PMS1: variants seen among roughly 807,000 people sequenced by gnomAD.
PMS1 encodes the protein PMS1 protein homolog 1.
In PMS1, 79 loss-of-function variants were observed where a neutral mutation model predicts 93.1. The observed-to-expected ratio is 0.85, with a 90% CI of 0.71 to 1.02. The LOEUF (loss-of-function observed/expected upper bound fraction) is 1.02. Ranked by LOEUF, PMS1 falls within the 50% of genes least tolerant of loss-of-function variation. The pLI is 0.00. For synonymous variants in PMS1, 335 were observed against 363.4 expected, an observed-to-expected ratio of 0.92 and a Z score of 0.89; for missense variants, 1,064 against 1,085.3, an observed-to-expected ratio of 0.98 and a Z score of 0.28.
chr2:189,844,120 C>A, intron 6 of PMS1, 40 bp downstream of exon 6: 1 of 1,610,536 alleles, frequency 6.2e-7, no homozygotes, highest in South Asian at 1.1e-5. Flanking sequence ...CTGATTTACT[C>A]ATGAAGCTGT....
intron 10 of PMS1, among the ~76,000 whole-genome samples, chr2:189,866,329 C>A (rs536104447): frequency 6.6e-6 from 1 of 152,124 alleles, no homozygotes; most frequent in South Asian, 2.1e-4. Context: ...ACATTAAAAA[C>A]TATTATTGTG....
intron 4 of PMS1, 110 bp downstream of exon 4, chr2:189,805,864 C>T (rs2050297644): frequency 1.1e-5 from 17 of 1,555,130 alleles, no homozygotes; most frequent in Non-Finnish European, 1.4e-5. Flanking sequence ...TGGGCTTGGT[C>T]CTGATAAAGG....
intron 5 of PMS1, among the ~76,000 whole-genome samples, chr2:189,831,917 G>A (rs1346870910): frequency 3.9e-5 from 6 of 152,104 alleles, no homozygotes; most frequent in Non-Finnish European, 8.8e-5. Context: ...TTTTAGTAGA[G>A]ATGGGGTTTC....
At chr2:189,805,332 T>G (rs1379825349) in intron 3 of PMS1, among the ~76,000 whole-genome samples, 1 of 152,202 alleles carries the variant, frequency 6.6e-6, no homozygotes, top group African/African-American at 2.4e-5. Context: ...CTTAATACAG[T>G]TGAAGTACTT....
At chr2:189,796,022 A>AT in intron 3 of PMS1, 71 bp downstream of exon 3, 1 of 1,066,944 alleles carries the variant, frequency 9.4e-7, no homozygotes, top group Non-Finnish European at 1.5e-6. Context: ...CTAACCCAGT[A>AT]TTTGGTGAAG....
Position 189,788,485 on chromosome 2 carries a change from C to T in PMS1, c.-20-3305C>T, listed in dbSNP as rs1284797939. On this transcript the variant is annotated intron_variant, in intron 1 of 12. Coordinates refer to ENST00000441310, the MANE Select transcript of PMS1 (RefSeq NM_000534.5). ...TGCATTTTAGAGAGTTTAATTTCCTCAGTGTTACATATCTGTTAGTGTAAG... is the reference window on the plus strand; with the variant it reads ...TGCATTTTAGAGAGTTTAATTTCCTTAGTGTTACATATCTGTTAGTGTAAG... 2.4e-4 allele frequency among the ~76,000 whole-genome samples: 37 copies of T among 152,164 alleles called. 1 individual carries two copies. The highest frequency in any genetic ancestry group is 2.4e-3 in the Admixed American group (37 of 15,274).
intron 1 of PMS1, among the ~76,000 whole-genome samples, chr2:189,788,245 G>C (rs973618115): frequency 6.6e-6 from 1 of 152,136 alleles, no homozygotes; most frequent in Non-Finnish European, 1.5e-5. Flanking sequence ...CTTGAACCCA[G>C]GCCTAATGTG....
At chr2:189,827,576 T>A (rs1372819562) in intron 5 of PMS1, among the ~76,000 whole-genome samples, 2 of 152,176 alleles carry the variant, frequency 1.3e-5, no homozygotes, top group Non-Finnish European at 2.9e-5. Context: ...ACATACTGAT[T>A]TTCAACCTAA....
chr2:189,839,702 T>C (rs1405928749), intron 5 of PMS1, among the ~76,000 whole-genome samples: 2 of 152,190 alleles, frequency 1.3e-5, no homozygotes, highest in Admixed American at 1.3e-4. Flanking sequence ...TTATAATGTA[T>C]TATAATTATT....
intron 10 of PMS1, among the ~76,000 whole-genome samples, chr2:189,864,687 A>T (rs867449409): frequency 8.8e-4 from 16 of 18,214 alleles, no homozygotes; most frequent in South Asian, 3.6e-3. Flanking sequence ...AAAAAAAAAA[A>T]ATATATATAT....
At chr2:189,876,984 CAT>C (rs2057629704) in intron 12 of PMS1, among the ~76,000 whole-genome samples, 1 of 152,066 alleles carries the variant, frequency 6.6e-6, no homozygotes, top group Admixed American at 6.6e-5. Context: ...ATCACTCTAT[CAT>C]GTGGCCCAGT....
intron 5 of PMS1, among the ~76,000 whole-genome samples, chr2:189,820,634 C>T (rs1031504719): frequency 6.6e-6 from 1 of 152,058 alleles, no homozygotes; most frequent in Non-Finnish European, 1.5e-5. Context: ...TATTTTAATA[C>T]TACTTTATAT....
chr2:189,812,764 A>G (rs549339643), intron 4 of PMS1, among the ~76,000 whole-genome samples: 2 of 152,342 alleles, frequency 1.3e-5, no homozygotes, highest in Admixed American at 1.3e-4. Context: ...ACAAAGTTAT[A>G]TAGCTAAAAA....
At position 189,861,761 on chromosome 2, in the gene PMS1, A is replaced by G. The variant is rs1436080849; in HGVS notation, c.1857-1982A>G. Among the ~76,000 whole-genome samples the G allele has an allele frequency of 3.9e-5, 6 of 151,978 alleles. No homozygotes were observed. The East Asian group carries it at 9.7e-4, about 24-fold the overall frequency. The stretch of plus-strand genomic sequence containing the variant: ...AGACTCTGTCTCAAAAAAAAAAAAA[A>G]AGATTTCACTGTCATCTGGCTCTGC... On this transcript the variant is annotated intron_variant, in intron 9 of 12. Transcript: ENST00000441310.
At chr2:189,853,013 A>T (rs2054913551) in intron 7 of PMS1, among the ~76,000 whole-genome samples, 1 of 152,144 alleles carries the variant, frequency 6.6e-6, no homozygotes, top group Admixed American at 6.6e-5. Flanking sequence ...CTCTTAGGCC[A>T]CATAGCCAGG....
At chr2:189,798,934 A>G (rs1190951255) in intron 3 of PMS1, among the ~76,000 whole-genome samples, 1 of 152,154 alleles carries the variant, frequency 6.6e-6, no homozygotes, top group Non-Finnish European at 1.5e-5. Flanking sequence ...TGGCAGCACT[A>G]TACTTGGTTT....
chr2:189,806,443 G>A, intron 4 of PMS1: 1 of 317,000 alleles, frequency 3.2e-6, no homozygotes, highest in South Asian at 3.1e-5. Context: ...TGTCACACAG[G>A]CTGGACTGCA....
At chr2:189,875,240 G>A (rs1163325255) in intron 12 of PMS1, among the ~76,000 whole-genome samples, 1 of 150,032 alleles carries the variant, frequency 6.7e-6, no homozygotes, top group Non-Finnish European at 1.5e-5. Context: ...GATGACATTG[G>A]TAACCTTGAA....
At chr2:189,802,586 T>G (rs2049988039) in intron 3 of PMS1, among the ~76,000 whole-genome samples, 1 of 152,130 alleles carries the variant, frequency 6.6e-6, no homozygotes, top group African/African-American at 2.4e-5. Flanking sequence ...TAATATAGGA[T>G]CTGTAGGTTT....
Sources: allele counts gnomAD v4.1 joint callset (sites outside exome capture counted in the v4.1 genomes callset), GRCh38; gene constraint gnomAD v4.1.1; transcripts MANE v1.5; gene names NCBI Gene and HGNC (gene_info 2026-07-23, HGNC 2026-07-21).